Variants in COBL observed in about 807,000 individuals in gnomAD.
COBL encodes the protein protein cordon-bleu.
In COBL, 51 loss-of-function variants were observed where a neutral mutation model predicts 98.8. That is an observed-to-expected ratio of 0.52 (90% CI 0.41 to 0.65). COBL has a LOEUF of 0.65. Ranked by LOEUF, COBL falls within the 30% of genes least tolerant of loss-of-function variation. The pLI is 0.00. For synonymous variants in COBL, 634 were observed against 651.7 expected, an observed-to-expected ratio of 0.97 and a Z score of 0.41; for missense variants, 1,617 against 1,617.5, an observed-to-expected ratio of 1.00 and a Z score of 0.01.
At chr7:51,098,011 G>C in intron 6 of COBL, among the ~76,000 whole-genome samples, 1 of 124,842 alleles carries the variant, frequency 8.0e-6, no homozygotes, top group African/African-American at 3.2e-5. Flanking sequence ...ACAACAGAGC[G>C]AGACTCCATC....
At chr7:51,066,049 A>G (rs1266690784) in intron 7 of COBL, among the ~76,000 whole-genome samples, 2 of 152,222 alleles carry the variant, frequency 1.3e-5, no homozygotes, top group Admixed American at 6.5e-5. Context: ...CTGTGGTATG[A>G]TATCATGGCA....
At position 51,316,622 on chromosome 7, in the gene COBL, C is replaced by G; in HGVS notation, c.12G>C (p.Pro4=). 4 of 1,201,928 alleles carry G rather than the reference C, an allele frequency of 3.3e-6. No individual in the cohort carries two copies. Among genetic ancestry groups the G allele is most frequent in the Non-Finnish European group, 4.1e-6 (4 of 968,764 alleles). The allele number at this position is 1,201,928 out of a possible 1,614,324, so 74.5% of individuals were successfully genotyped here. ...TCGGGGGCTTGGCCGCCGAGGCGCGCGGCGCGTCCATGGTGCCGGGGGCCG... is the reference window on the plus strand; with the variant it reads ...TCGGGGGCTTGGCCGCCGAGGCGCGGGGCGCGTCCATGGTGCCGGGGGCCG... MDA[P]RASAAKPPTG... is the part of the protein sequence containing the mutation. The change falls in exon 1 of 13, where the codon CCG becomes CCC. Residue 4 remains proline, a synonymous_variant. Coordinates refer to ENST00000265136, the MANE Select transcript of COBL (RefSeq NM_015198.5).
At position 51,082,999 on chromosome 7, in the gene COBL, T is replaced by C. The variant is rs897997708; in HGVS notation, c.1096+2167A>G. The C allele has an allele frequency of 3.4e-6, 5 of 1,480,040 alleles. No homozygotes were observed. In the African/African-American group the frequency reaches 4.2e-5, roughly 12 times the overall value. 91.7% of individuals were successfully genotyped at this position (1,480,040 alleles called of 1,614,324 possible). ...AAAATCTGGAAACCCAGCCCTGACA[T>C]CGCAGTGCTCAGAGAGATGAACAGT... On this transcript the variant is annotated intron_variant, in intron 7 of 12. Coordinates refer to ENST00000265136, the MANE Select transcript of COBL (RefSeq NM_015198.5).
At chr7:51,213,588 G>T (rs1045247603) in intron 2 of COBL, among the ~76,000 whole-genome samples, 13 of 152,178 alleles carry the variant, frequency 8.5e-5, no homozygotes, top group African/African-American at 3.1e-4. Context: ...AAAAGGGTCA[G>T]TGTGGAGACA....
intron 5 of COBL, among the ~76,000 whole-genome samples, chr7:51,169,328 G>A (rs1446044985): frequency 6.6e-6 from 1 of 152,102 alleles, no homozygotes; most frequent in Non-Finnish European, 1.5e-5. Flanking sequence ...ACTGATTGAT[G>A]TATTATGTCC....
intron 5 of COBL, among the ~76,000 whole-genome samples, chr7:51,161,481 C>G (rs1786798692): frequency 6.6e-6 from 1 of 152,232 alleles, no homozygotes; most frequent in African/African-American, 2.4e-5. Context: ...AACACGAATT[C>G]TGGAAACTTT....
intron 6 of COBL, among the ~76,000 whole-genome samples, chr7:51,106,460 G>A (rs1796279333): frequency 6.6e-6 from 1 of 152,180 alleles, no homozygotes. Context: ...TAAGTGACAT[G>A]TCGCCATTTC....
At chr7:51,055,694 C>A (rs1190703804) in intron 7 of COBL, among the ~76,000 whole-genome samples, 1 of 152,228 alleles carries the variant, frequency 6.6e-6, no homozygotes. Context: ...CTGGGCGACA[C>A]ATGGGAGGGC....
chr7:51,169,751 G>A (rs1787670522), intron 5 of COBL, among the ~76,000 whole-genome samples: 1 of 152,100 alleles, frequency 6.6e-6, no homozygotes. Flanking sequence ...AGTATATAAA[G>A]AATGAATAAG....
At chr7:51,122,608 A>T (rs1562937814) in intron 6 of COBL, among the ~76,000 whole-genome samples, 1 of 152,240 alleles carries the variant, frequency 6.6e-6, no homozygotes, top group Non-Finnish European at 1.5e-5. Context: ...ATTAGTATCA[A>T]TTCAGTTATT....
intron 1 of COBL, among the ~76,000 whole-genome samples, chr7:51,242,693 A>C (rs1795904703): frequency 6.6e-6 from 1 of 152,156 alleles, no homozygotes; most frequent in Non-Finnish European, 1.5e-5. Context: ...GAAAATGTTA[A>C]CTTAGGATTT....
At chr7:51,247,982 T>C (rs942577473) in intron 1 of COBL, among the ~76,000 whole-genome samples, 2 of 151,924 alleles carry the variant, frequency 1.3e-5, no homozygotes, top group Non-Finnish European at 2.9e-5. Flanking sequence ...CTACTAAACA[T>C]ACAAAAGTTA....
At chr7:51,212,051 ACAT>A (rs1165801046) in intron 2 of COBL, among the ~76,000 whole-genome samples, 1 of 152,154 alleles carries the variant, frequency 6.6e-6, no homozygotes, top group Admixed American at 6.5e-5. Flanking sequence ...TTCCTCCGCG[ACAT>A]CATTTTTACC....
chr7:51,306,736 G>A (rs943764870), intron 1 of COBL, among the ~76,000 whole-genome samples: 4 of 152,070 alleles, frequency 2.6e-5, no homozygotes, highest in African/African-American at 7.2e-5. Flanking sequence ...CTCAGGAATC[G>A]CACATCCTAG....
intron 12 of COBL, among the ~76,000 whole-genome samples, chr7:51,024,795 G>A (rs1356087290): frequency 6.6e-6 from 1 of 152,210 alleles, no homozygotes; most frequent in Non-Finnish European, 1.5e-5. Flanking sequence ...TGGACCAGTA[G>A]AAACTGTGGG....
chr7:51,169,853 G>C (rs1300617193), intron 5 of COBL, among the ~76,000 whole-genome samples: 1 of 152,096 alleles, frequency 6.6e-6, no homozygotes, highest in African/African-American at 2.4e-5. Context: ...TGAATTGTTT[G>C]TAACACAAAA....
At chr7:51,278,154 T>A (rs1278667625) in intron 1 of COBL, among the ~76,000 whole-genome samples, 1 of 152,116 alleles carries the variant, frequency 6.6e-6, no homozygotes, top group Non-Finnish European at 1.5e-5. Context: ...CCGTATCAAA[T>A]GATAAATAAA....
At chr7:51,308,087 G>C (rs935344804) in intron 1 of COBL, among the ~76,000 whole-genome samples, 1 of 152,176 alleles carries the variant, frequency 6.6e-6, no homozygotes, top group Non-Finnish European at 1.5e-5. Flanking sequence ...GCCTGGCAAG[G>C]ACCTGCCCTG....
At chr7:51,219,170 A>G in intron 2 of COBL, among the ~76,000 whole-genome samples, 1 of 152,240 alleles carries the variant, frequency 6.6e-6, no homozygotes, top group East Asian at 1.9e-4. Flanking sequence ...CGGGCAGATC[A>G]GTCCTGAGAA....
Sources: gnomAD v4.1 joint callset for allele counts (sites outside exome capture counted in the v4.1 genomes callset) on GRCh38, gnomAD v4.1.1 for gene constraint, MANE v1.5 for transcripts, NCBI Gene and HGNC (gene_info 2026-07-23, HGNC 2026-07-21) for gene names.